The following RSPRY1 variants were observed in gnomAD, a reference collection of about 807,000 sequenced individuals.
The protein encoded by RSPRY1 is RING finger and SPRY domain-containing protein 1.
Under a neutral mutation model 73.1 loss-of-function variants are expected in RSPRY1, and 23 were observed. That is an observed-to-expected ratio of 0.31 (90% CI 0.23 to 0.45). The LOEUF is 0.45. Among genes scored for constraint, RSPRY1 ranks in the 20% least tolerant of loss-of-function variants. RSPRY1 has a pLI of 1.00. For synonymous variants in RSPRY1, 226 were observed against 251.4 expected (o/e 0.90, Z 0.95); for missense variants, 448 against 698.7 (o/e 0.64, Z 4.05).
At chr16:57,208,948 C>T in intron 3 of RSPRY1, 127 bp from the exon 4 acceptor site, 1 of 618,486 alleles carries the variant, frequency 1.6e-6, no homozygotes, top group Non-Finnish European at 2.8e-6. Flanking sequence ...ATGTCCATGC[C>T]AAATATTAGC....
chr16:57,202,853 T>A (rs2074645685), intron 1 of RSPRY1, among the ~76,000 whole-genome samples: 1 of 144,096 alleles, frequency 6.9e-6, no homozygotes, highest in Non-Finnish European at 1.5e-5. Flanking sequence ...CTCCTCCCTC[T>A]TTATATATAT....
At chr16:57,196,253 A>G (rs1447469713) in intron 1 of RSPRY1, among the ~76,000 whole-genome samples, 2 of 152,150 alleles carry the variant, frequency 1.3e-5, no homozygotes, top group Non-Finnish European at 2.9e-5. Context: ...ACTTATGGAT[A>G]TAACCATTCT....
At chr16:57,210,865 A>T (rs1191817229) in intron 4 of RSPRY1, among the ~76,000 whole-genome samples, 2 of 151,892 alleles carry the variant, frequency 1.3e-5, no homozygotes, top group Non-Finnish European at 2.9e-5. Context: ...AAAAAATCCA[A>T]AAGTTAACAG....
At chr16:57,195,302 A>G (rs2074420019) in intron 1 of RSPRY1, among the ~76,000 whole-genome samples, 1 of 152,080 alleles carries the variant, frequency 6.6e-6, no homozygotes, top group African/African-American at 2.4e-5. Context: ...ACCTGAGATC[A>G]GGAGTTCAAG....
At chr16:57,236,113 T>A (rs1489239280) in intron 14 of RSPRY1, among the ~76,000 whole-genome samples, 3 of 152,230 alleles carry the variant, frequency 2.0e-5, no homozygotes, top group African/African-American at 7.2e-5. Context: ...ATTTCTCAGT[T>A]TGAGCATATT....
chr16:57,192,813 C>T (rs1356690062), intron 1 of RSPRY1, among the ~76,000 whole-genome samples: 1 of 151,442 alleles, frequency 6.6e-6, no homozygotes, highest in East Asian at 1.9e-4. Flanking sequence ...TCAGGCGATC[C>T]TCCCACCCCT....
Position 57,204,865 on chromosome 16 carries a change from C to T in RSPRY1, c.207C>T (p.Pro69=), listed in dbSNP as rs1177084355. 1 of 1,614,178 alleles carries T rather than the reference C, an allele frequency of 6.2e-7. No homozygotes were observed. The highest frequency in any genetic ancestry group is 8.5e-7 in the Non-Finnish European group (1 of 1,180,030). The change falls in exon 2 of 15, where the codon CCC becomes CCT. Residue 69 remains proline (P), a synonymous_variant. Coordinates refer to ENST00000394420, the MANE Select transcript of RSPRY1 (RefSeq NM_133368.3). The part of the protein sequence containing the change: ...QQQQAENSAV[P]TADTRSQPRD... ...AACAGGCCGAGAACAGTGCAGTACCCACTGCTGACACAAGGAGCCAACCAC... is the reference window on the plus strand; with the variant it reads ...AACAGGCCGAGAACAGTGCAGTACCTACTGCTGACACAAGGAGCCAACCAC...
At chr16:57,218,669 A>G (rs66520525) in intron 8 of RSPRY1, among the ~76,000 whole-genome samples, 57,653 of 142,184 alleles carry the variant, frequency 0.41, 11,425 homozygotes, top group South Asian at 0.52. Flanking sequence ...ACAGGATCTC[A>G]TTCTTTTTTG....
Position 57,213,869 on chromosome 16 carries a change from G to A in RSPRY1, c.644-19G>A, listed in dbSNP as rs1013424916. The stretch of plus-strand genomic sequence containing the variant: ...ATCTGGCATTTTAATTATATCAAGT[G>A]TTTGTTGTATTTGTCTAGGTCCTGC... On this transcript the variant is annotated intron_variant, in intron 5 of 14. Transcript: ENST00000394420. 3.9e-6 allele frequency: 6 copies of A among 1,549,702 alleles called. No homozygotes were observed. In the African/African-American group the frequency reaches 5.4e-5, roughly 14 times the overall value.
chr16:57,210,582 C>T (rs2074822628), intron 4 of RSPRY1, among the ~76,000 whole-genome samples: 1 of 151,932 alleles, frequency 6.6e-6, no homozygotes, highest in African/African-American at 2.4e-5. Context: ...GGAGTGGTGG[C>T]AGGCACCTGT....
chr16:57,203,384 T>C (rs914287345), intron 1 of RSPRY1, among the ~76,000 whole-genome samples: 1 of 152,248 alleles, frequency 6.6e-6, no homozygotes, highest in African/African-American at 2.4e-5. Context: ...ATATTATTCC[T>C]GGTCAGTGCT....
chr16:57,202,299 G>A (rs993992334), intron 1 of RSPRY1, among the ~76,000 whole-genome samples: 4 of 152,146 alleles, frequency 2.6e-5, no homozygotes, highest in Admixed American at 6.5e-5. Context: ...CCAAGATGGC[G>A]GCAAGCCTCT....
intron 2 of RSPRY1, among the ~76,000 whole-genome samples, chr16:57,206,716 C>G (rs1029064371): frequency 2.0e-5 from 3 of 152,146 alleles, no homozygotes; most frequent in African/African-American, 7.2e-5. Context: ...GCGTGTGCTA[C>G]TGCACCTGGC....
chr16:57,193,667 A>AT (rs1334654876), intron 1 of RSPRY1, among the ~76,000 whole-genome samples: 2 of 151,884 alleles, frequency 1.3e-5, no homozygotes, highest in African/African-American at 4.8e-5. Context: ...TAATTTTTGT[A>AT]TTTTTTTAAG....
Position 57,209,080 on chromosome 16 carries a change from G to A in RSPRY1, c.409G>A (p.Gly137Arg). 1 of 1,604,282 alleles carries A rather than the reference G, an allele frequency of 6.2e-7. No homozygotes were observed. The highest frequency in any genetic ancestry group is 8.5e-7 in the Non-Finnish European group (1 of 1,173,116). The change falls in exon 4 of 15, where the codon GGA becomes AGA. Residue 137 changes from glycine to arginine, a missense_variant. Gly to Arg is a moderately radical substitution (Grantham distance 125, BLOSUM62 -2). Transcript: ENST00000394420. ...TCTTCTTGATTTGCTCTTAGATGAA[G>A]GATGGTTGGATGTTGTCCAGTCTTT... The part of the protein sequence containing the change: ...TLHEMAETDE[G>R]WLDVVQSLIR...
intron 10 of RSPRY1, among the ~76,000 whole-genome samples, chr16:57,226,448 A>T (rs570668628): frequency 8.5e-5 from 13 of 152,326 alleles, no homozygotes; most frequent in African/African-American, 2.4e-4. Context: ...TTATTTCTCG[A>T]TTATATGCTA....
chr16:57,211,279 A>T (rs1435901926), intron 4 of RSPRY1, among the ~76,000 whole-genome samples: 7 of 151,516 alleles, frequency 4.6e-5, no homozygotes, highest in African/African-American at 1.7e-4. Flanking sequence ...AAAAAAAAAA[A>T]AAAAAGAAAG....
intron 2 of RSPRY1, 51 bp downstream of exon 2, chr16:57,205,059 C>A (rs80302553): frequency 7.0e-7 from 1 of 1,418,640 alleles, no homozygotes; most frequent in East Asian, 2.4e-5. Flanking sequence ...GTGTTCTGCC[C>A]GGAACCATGA....
Position 57,213,067 on chromosome 16 carries a change from A to T in RSPRY1, c.612A>T (p.Ala204=). ...CTGCCAAACACAGGAACACATCTGC[A>T]GTCCTAGGCTGCTTGGCCGAGAAAC... The part of the protein sequence containing the change: ...SHPAKHRNTS[A]VLGCLAEKLA... The change falls in exon 5 of 15, where the codon GCA becomes GCT. Residue 204 remains alanine (A), a synonymous_variant. Transcript: ENST00000394420. The T allele has an allele frequency of 6.2e-7, 1 of 1,613,834 alleles. No individual in the cohort carries two copies. The highest frequency in any genetic ancestry group is 8.5e-7 in the Non-Finnish European group (1 of 1,179,834).
Sources: gnomAD v4.1 joint callset for allele counts (sites outside exome capture counted in the v4.1 genomes callset) on GRCh38, gnomAD v4.1.1 for gene constraint, MANE v1.5 for transcripts, NCBI Gene and HGNC (gene_info 2026-07-23, HGNC 2026-07-21) for gene names.